The following ABCC6 variants were observed in gnomAD, a reference collection of about 807,000 sequenced individuals.
ABCC6 encodes the protein ATP binding cassette subfamily C member 6.
ABCC6 carries 126 observed loss-of-function variants against 169.5 expected under a neutral mutation model. The observed-to-expected ratio is 0.74, with a 90% CI of 0.64 to 0.86. The LOEUF is 0.86. Among genes scored for constraint, ABCC6 ranks in the 40% least tolerant of loss-of-function variants. The pLI, the probability that ABCC6 is intolerant of heterozygous loss-of-function variation, is 0.00. For missense variants in ABCC6, 1,733 were observed against 1,927.2 expected (o/e 0.90, Z 1.89); for synonymous variants, 752 against 814.7 (o/e 0.92, Z 1.31).
At chr16:16,173,482 C>T in intron 20 of ABCC6, 78 bp from the exon 21 acceptor site, 1 of 1,548,244 alleles carries the variant, frequency 6.5e-7, no homozygotes, top group Non-Finnish European at 8.9e-7. Context: ...CTCAGGCCCA[C>T]TGACAGCCAC....
rs775296841 is a variant in ABCC6, at chr16:16,169,674, C to G, written c.2967G>C (p.Gly989=). ...GQQTQAALRG[G]IFGLLGCLQA... ...GGAGACAGCCGAGGAGCCCGAAGATCCCGCCACGCAGGGCTGCCTGCGTCT... is the reference window on the plus strand; with the variant it reads ...GGAGACAGCCGAGGAGCCCGAAGATGCCGCCACGCAGGGCTGCCTGCGTCT... The change falls in exon 22 of 31, where the codon GGG becomes GGC. Residue 989 remains glycine, a synonymous_variant. Coordinates refer to ENST00000205557, the MANE Select transcript of ABCC6 (RefSeq NM_001171.6). 2.5e-6 allele frequency: 4 copies of G among 1,611,042 alleles called. No individual in the cohort carries two copies. The highest frequency in any genetic ancestry group is 2.5e-6 in the Non-Finnish European group (3 of 1,179,706).
intron 27 of ABCC6, chr16:16,155,396 T>A (rs947104706): frequency 3.1e-6 from 1 of 320,608 alleles, no homozygotes; most frequent in Non-Finnish European, 5.8e-6. Context: ...CTTATCCTTT[T>A]TTCCACCCCA....
chr16:16,181,704 G>A (rs1453885836), intron 17 of ABCC6: 1 of 153,684 alleles, frequency 6.5e-6, no homozygotes, highest in Non-Finnish European at 1.4e-5. Flanking sequence ...TGAGGTAAAT[G>A]GGGAGATCAC....
chr16:16,176,844 C>G (rs902450092), intron 19 of ABCC6, among the ~76,000 whole-genome samples: 4 of 152,198 alleles, frequency 2.6e-5, no homozygotes, highest in South Asian at 2.1e-4. Context: ...GGAAATGATT[C>G]TAGTACCAGC....
At chr16:16,207,766 T>C (rs1263957628) in intron 7 of ABCC6, among the ~76,000 whole-genome samples, 1 of 151,936 alleles carries the variant, frequency 6.6e-6, no homozygotes, top group Non-Finnish European at 1.5e-5. Flanking sequence ...TCTAATCCTA[T>C]GCAGGCTCAT....
rs911801134 is a variant in ABCC6 at position 16,169,747 on chromosome 16, C to T, written c.2894G>A (p.Gly965Asp). Residue 965 changes from glycine (G) to aspartate (D), a missense_variant, in exon 22 of 31, where the codon GGC (glycine) becomes GAC (aspartate). Transcript: ENST00000205557. ...LCQQVASFCR[G>D]YWLSLWADDP... ...GTCCGCCCACAGGCTCAGCCAGTAG[C>T]CCCGGCAGAAGGAGGCCACTTGCTG... The T allele has an allele frequency of 8.1e-6, 13 of 1,606,182 alleles. No individual in the cohort carries two copies. In the African/African-American group the frequency reaches 1.7e-4, roughly 21 times the overall value.
At chr16:16,206,388 G>GT (rs1161363668) in intron 7 of ABCC6, among the ~76,000 whole-genome samples, 1 of 152,058 alleles carries the variant, frequency 6.6e-6, no homozygotes, top group African/African-American at 2.4e-5. Context: ...ACTTTGGGAG[G>GT]CCAATGCGGG....
rs753457535 is a variant in ABCC6, at chr16:16,157,689, A to G, written c.3856T>C (p.Ser1286Pro). The G allele has an allele frequency of 6.2e-7, 1 of 1,613,958 alleles. No homozygotes were observed. The highest frequency in any genetic ancestry group is 8.5e-7 in the Non-Finnish European group (1 of 1,180,014). The change falls in exon 27 of 31, where the codon TCC becomes CCC. Residue 1286 changes from serine (S) to proline (P), a missense_variant. Ser to Pro is a moderately conservative substitution (Grantham distance 74, BLOSUM62 -1). Coordinates refer to ENST00000205557, the MANE Select transcript of ABCC6 (RefSeq NM_001171.6). ...PELPLAVQGV[S>P]FKIHAGEKVG... ...TTCTCTCCTGCGTGGATCTTGAAGG[A>G]CACGCCCTGCACAGCCAGCGGGAGC...
At chr16:16,152,804 C>T (rs1420189203) in intron 29 of ABCC6, among the ~76,000 whole-genome samples, 2 of 152,200 alleles carry the variant, frequency 1.3e-5, no homozygotes, top group South Asian at 2.1e-4. Flanking sequence ...CACCAAGCAA[C>T]GCTGCCTCTC....
Position 16,169,836 on chromosome 16 carries a change from G to A in ABCC6, c.2805C>T (p.His935=), listed in dbSNP as rs1488053336. ...IQYGRVKATV[H]LAYLRAVGTP... Reference sequence around the variant, plus strand: ...TGCCCACGGCACGCAGGTAGGCCAGGTGCACTGTGGCCTTCACCTGTAGCA... The same window carrying A: ...TGCCCACGGCACGCAGGTAGGCCAGATGCACTGTGGCCTTCACCTGTAGCA... The change falls in exon 22 of 31, where the codon CAC becomes CAT. Residue 935 remains histidine (H), a synonymous_variant. Transcript: ENST00000205557. 1 of 1,554,998 alleles carries A rather than the reference G, an allele frequency of 6.4e-7. No individual in the cohort carries two copies. The highest frequency in any genetic ancestry group is 2.4e-5 in the East Asian group (1 of 41,272).
At chr16:16,200,610 G>C (rs1342440363) in intron 9 of ABCC6, among the ~76,000 whole-genome samples, 2 of 134,794 alleles carry the variant, frequency 1.5e-5, no homozygotes, top group Admixed American at 7.9e-5. Flanking sequence ...GGCACACCTA[G>C]CTCTGGCATG....
chr16:16,188,884 T>C lies in ABCC6; in HGVS notation c.1726A>G (p.Ile576Val), dbSNP rs774053885. ...KAFVTLTVLN[I>V]LNKAQAFLPF... ...AGGAAAGCCTGGGCCTTGTTGAGGA[T>C]GTTGAGAACTGTGAGAGTCACAAAG... Residue 576 changes from isoleucine (I) to valine (V), a missense_variant, in exon 13 of 31, where the codon ATC (isoleucine) becomes GTC (valine). By Grantham distance (29) the Ile-to-Val change is conservative. Transcript: ENST00000205557. 2.5e-6 allele frequency: 4 copies of C among 1,614,168 alleles called. No individual in the cohort carries two copies. In the Admixed American group the frequency reaches 5.0e-5, roughly 20 times the overall value.
In ABCC6 at chr16:16,199,036, C is replaced by T. The variant is rs779945786; in HGVS notation, c.1177-854G>A. Among the ~76,000 whole-genome samples, 36 of 132,808 alleles carry T rather than the reference C, an allele frequency of 2.7e-4. 1 individual carries two copies. The highest frequency in any genetic ancestry group is 5.0e-4 in the Non-Finnish European group (29 of 57,970). The allele number at this position is 132,808 out of a possible 152,430, so 87.1% of individuals were successfully genotyped here. On this transcript the variant is annotated intron_variant, in intron 9 of 30. Coordinates refer to ENST00000205557, the MANE Select transcript of ABCC6 (RefSeq NM_001171.6). ...AAATTAGCCAGGCATGGTTGTGGTGCGCCTGTGGTCCTAGCTAGCTACTGG... is the reference window on the plus strand; with the variant it reads ...AAATTAGCCAGGCATGGTTGTGGTGTGCCTGTGGTCCTAGCTAGCTACTGG...
At chr16:16,154,101 C>T (rs563149253) in intron 29 of ABCC6, among the ~76,000 whole-genome samples, 1 of 151,926 alleles carries the variant, frequency 6.6e-6, no homozygotes. Flanking sequence ...AGGTGCATGC[C>T]ACCATACCTG....
chr16:16,157,852 A>T, intron 26 of ABCC6, 43 bp from the exon 27 acceptor site: 1 of 1,590,538 alleles, frequency 6.3e-7, no homozygotes, highest in Non-Finnish European at 8.5e-7. Flanking sequence ...CCTTCCTCTA[A>T]GACTTCACAC....
chr16:16,217,685 T>C (rs2048928512), intron 4 of ABCC6, among the ~76,000 whole-genome samples: 1 of 152,250 alleles, frequency 6.6e-6, no homozygotes, highest in Admixed American at 6.5e-5. Context: ...TTATTGTTTC[T>C]ATGCTGTGTC....
At chr16:16,172,558 A>T (rs991521328) in intron 21 of ABCC6, among the ~76,000 whole-genome samples, 1 of 151,378 alleles carries the variant, frequency 6.6e-6, no homozygotes, top group Non-Finnish European at 1.5e-5. Flanking sequence ...AGTGGGTGGG[A>T]TGGATAGGTG....
chr16:16,153,740 CAAAA>C (rs945950876), intron 29 of ABCC6, among the ~76,000 whole-genome samples: 1 of 151,304 alleles, frequency 6.6e-6, no homozygotes, highest in African/African-American at 2.4e-5. Flanking sequence ...CCTGTCTCTA[CAAAA>C]AATAAAAAGA....
intron 7 of ABCC6, among the ~76,000 whole-genome samples, chr16:16,204,970 G>C (rs1382377969): frequency 6.6e-6 from 1 of 151,764 alleles, no homozygotes; most frequent in Non-Finnish European, 1.5e-5. Context: ...CAAGTAGCTG[G>C]GATTACAGGC....
Sources: allele counts gnomAD v4.1 joint callset (sites outside exome capture counted in the v4.1 genomes callset), GRCh38; gene constraint gnomAD v4.1.1; transcripts MANE v1.5; gene names NCBI Gene and HGNC (gene_info 2026-07-23, HGNC 2026-07-21).